The following UBE2G1 variants were observed in gnomAD, a reference collection of about 807,000 sequenced individuals.
UBE2G1 encodes the protein ubiquitin-conjugating enzyme E2 G1.
A neutral mutation model predicts 22.7 loss-of-function variants in UBE2G1; 5 were observed. That is an observed-to-expected ratio of 0.22 (90% CI 0.12 to 0.46). UBE2G1 has a LOEUF of 0.46. Among genes scored for constraint, UBE2G1 ranks in the 20% least tolerant of loss-of-function variants. UBE2G1 has a pLI of 0.99. For synonymous variants in UBE2G1, 74 were observed against 67.5 expected (o/e 1.10, Z -0.47); for missense variants, 88 against 203.9 (o/e 0.43, Z 3.46).
intron 1 of UBE2G1, among the ~76,000 whole-genome samples, chr17:4,350,617 GTAAT>G (rs1194348048): frequency 6.6e-6 from 1 of 152,104 alleles, no homozygotes; most frequent in African/African-American, 2.4e-5. Context: ...CAACTTAGAC[GTAAT>G]TATTTAGGTT....
intron 1 of UBE2G1, among the ~76,000 whole-genome samples, chr17:4,353,808 T>C (rs1969873988): frequency 7.3e-6 from 1 of 137,424 alleles, no homozygotes; most frequent in Non-Finnish European, 1.5e-5. Flanking sequence ...CCGTGCCCGG[T>C]CAAATTTTTT....
chr17:4,292,776 G>A (rs1424448585), intron 3 of UBE2G1, among the ~76,000 whole-genome samples: 3 of 151,992 alleles, frequency 2.0e-5, no homozygotes, highest in East Asian at 3.8e-4. Context: ...TATATTTTCC[G>A]TAGGAAAACT....
chr17:4,320,063 C>A (rs896912655), intron 1 of UBE2G1, among the ~76,000 whole-genome samples: 2 of 151,798 alleles, frequency 1.3e-5, no homozygotes, highest in South Asian at 4.2e-4. Context: ...CCTATTTTTA[C>A]ATTATCAGGA....
Position 4,277,371 on chromosome 17 carries a change from A to G in UBE2G1, c.*38-4855T>C, listed in dbSNP as rs117007304. Among the ~76,000 whole-genome samples the G allele has an allele frequency of 5.7e-3, 861 of 152,354 alleles. 5 individuals carry two copies. Among genetic ancestry groups the G allele is most frequent in the Middle Eastern group, 0.014 (4 of 294 alleles). On this transcript the variant is annotated intron_variant, in intron 5 of 5. Transcript: ENST00000396981. ...ACTAAGTTTTAGTAATTTGTTACGT[A>G]GCAATAAAGAACCAATACAGTCCCT...
intron 1 of UBE2G1, among the ~76,000 whole-genome samples, chr17:4,360,700 C>T (rs1464787620): frequency 6.6e-6 from 1 of 151,382 alleles, no homozygotes; most frequent in Non-Finnish European, 1.5e-5. Flanking sequence ...TCGCCTAAGA[C>T]CGGGAGTTCA....
intron 1 of UBE2G1, among the ~76,000 whole-genome samples, chr17:4,346,981 C>T (rs1260675412): frequency 6.6e-6 from 1 of 151,540 alleles, no homozygotes; most frequent in African/African-American, 2.4e-5. Flanking sequence ...AGTGAAACCC[C>T]GTCTCTACTA....
intron 1 of UBE2G1, among the ~76,000 whole-genome samples, chr17:4,363,917 A>G (rs1235025982): frequency 1.5e-5 from 2 of 132,038 alleles, no homozygotes; most frequent in Non-Finnish European, 1.5e-5. Context: ...GCGCCACTGC[A>G]CTCCAGCTGG....
chr17:4,276,338 T>C (rs2143670092), intron 5 of UBE2G1, among the ~76,000 whole-genome samples: 1 of 152,060 alleles, frequency 6.6e-6, no homozygotes, highest in Non-Finnish European at 1.5e-5. Context: ...CCGTACTGGC[T>C]AATTTTTTTT....
intron 1 of UBE2G1, among the ~76,000 whole-genome samples, chr17:4,329,507 G>A (rs1446091063): frequency 6.6e-6 from 1 of 151,478 alleles, no homozygotes; most frequent in Non-Finnish European, 1.5e-5. Context: ...GCAGTGAGCT[G>A]AGATGGCACC....
At chr17:4,325,072 G>A (rs1260193852) in intron 1 of UBE2G1, among the ~76,000 whole-genome samples, 2 of 151,008 alleles carry the variant, frequency 1.3e-5, no homozygotes, top group African/African-American at 4.9e-5. Context: ...GCGAGACTCC[G>A]TCTCAAAAAA....
At chr17:4,301,758 G>A (rs1969182679) in intron 2 of UBE2G1, 1 of 628,676 alleles carries the variant, frequency 1.6e-6, no homozygotes, top group Admixed American at 1.9e-5. Context: ...CAGTTGCCCA[G>A]GACATATGCT....
Position 4,339,094 on chromosome 17 carries a change from T to A in UBE2G1, c.46+27177A>T, listed in dbSNP as rs9889739. Among the ~76,000 whole-genome samples the A allele has an allele frequency of 5.9e-5, 9 of 152,286 alleles. No individual in the cohort carries two copies. The South Asian group carries it at 1.2e-3, about 21-fold the overall frequency. On this transcript the variant is annotated intron_variant, in intron 1 of 5. Coordinates refer to ENST00000396981, the MANE Select transcript of UBE2G1 (RefSeq NM_003342.5). ...TGTATATTACATTTTATGAAAATTT[T>A]TCAACAACAGTAACAACGAACGCTT...
intron 1 of UBE2G1, among the ~76,000 whole-genome samples, chr17:4,343,417 T>C (rs921674967): frequency 4.0e-5 from 6 of 151,858 alleles, no homozygotes; most frequent in African/African-American, 1.4e-4. Flanking sequence ...GGCAGAAGAA[T>C]TGCTTTAACC....
intron 1 of UBE2G1, among the ~76,000 whole-genome samples, chr17:4,361,746 C>T (rs557786851): frequency 6.6e-6 from 1 of 151,862 alleles, no homozygotes; most frequent in East Asian, 1.9e-4. Context: ...CAAGACCAGC[C>T]TGGCCAACAT....
intron 1 of UBE2G1, among the ~76,000 whole-genome samples, chr17:4,318,923 G>T (rs1896808506): frequency 6.6e-6 from 1 of 152,016 alleles, no homozygotes; most frequent in African/African-American, 2.4e-5. Context: ...CAGTCTCAAA[G>T]AAATTACAGA....
intron 1 of UBE2G1, among the ~76,000 whole-genome samples, chr17:4,310,149 T>A (rs1179746414): frequency 1.3e-5 from 2 of 152,220 alleles, no homozygotes; most frequent in Non-Finnish European, 2.9e-5. Flanking sequence ...CATGAATGCT[T>A]CCTTCAAGGT....
intron 3 of UBE2G1, among the ~76,000 whole-genome samples, chr17:4,294,740 C>T (rs894349902): frequency 1.4e-4 from 22 of 152,024 alleles, no homozygotes; most frequent in African/African-American, 5.3e-4. Context: ...CATGGTGAAA[C>T]CCCGTCTTTA....
intron 1 of UBE2G1, among the ~76,000 whole-genome samples, chr17:4,316,416 AGAG>A (rs1286418459): frequency 6.6e-6 from 1 of 152,202 alleles, no homozygotes; most frequent in Non-Finnish European, 1.5e-5. Context: ...CCTTATTATC[AGAG>A]GAATAAACTG....
At chr17:4,282,330 G>A (rs1205936808) in intron 5 of UBE2G1, among the ~76,000 whole-genome samples, 2 of 151,994 alleles carry the variant, frequency 1.3e-5, no homozygotes, top group African/African-American at 4.8e-5. Context: ...TGTTCCACCC[G>A]CCTCGGCTTC....
Sources: gnomAD v4.1 joint callset for allele counts (sites outside exome capture counted in the v4.1 genomes callset) on GRCh38, gnomAD v4.1.1 for gene constraint, MANE v1.5 for transcripts, NCBI Gene and HGNC (gene_info 2026-07-23, HGNC 2026-07-21) for gene names.